The following LIN28B variants were observed in gnomAD, a reference collection of about 807,000 sequenced individuals.
LIN28B encodes the protein protein lin-28 homolog B.
LIN28B carries 5 observed loss-of-function variants against 21.9 expected under a neutral mutation model. The ratio of observed to expected loss-of-function variants is 0.23; its 90% CI spans 0.12 to 0.48. The LOEUF is 0.48. Ranked by LOEUF, LIN28B falls within the 20% of genes least tolerant of loss-of-function variation. LIN28B has a pLI of 0.98. For synonymous variants in LIN28B, 109 were observed against 111.3 expected (o/e 0.98, Z 0.13); for missense variants, 245 against 310.5 (o/e 0.79, Z 1.58).
At chr6:105,012,764 A>G (rs1770950212) in intron 2 of LIN28B, among the ~76,000 whole-genome samples, 1 of 152,060 alleles carries the variant, frequency 6.6e-6, no homozygotes, top group African/African-American at 2.4e-5. Context: ...TTATGGATAA[A>G]CCCCTAATAT....
At chr6:104,984,542 C>T (rs79727058) in intron 2 of LIN28B, among the ~76,000 whole-genome samples, 1,581 of 151,884 alleles carry the variant, frequency 0.01, 17 homozygotes, top group Non-Finnish European at 0.016. Context: ...ACTCCTGGGC[C>T]CAAGCGATCC....
chr6:104,975,702 G>T (rs896153567), intron 2 of LIN28B, among the ~76,000 whole-genome samples: 5 of 151,840 alleles, frequency 3.3e-5, no homozygotes, highest in Admixed American at 2.6e-4. Flanking sequence ...AGGCTGGAGT[G>T]CAGTGGTGTG....
chr6:105,013,569 C>G (rs9500011), intron 2 of LIN28B, among the ~76,000 whole-genome samples: 1 of 151,580 alleles, frequency 6.6e-6, no homozygotes, highest in African/African-American at 2.4e-5. Context: ...AAAACCCTGT[C>G]TCTACAAAAA....
At chr6:105,050,833 G>C (rs1771887204) in intron 3 of LIN28B, among the ~76,000 whole-genome samples, 1 of 151,154 alleles carries the variant, frequency 6.6e-6, no homozygotes, top group Non-Finnish European at 1.5e-5. Context: ...AAATCTCTGA[G>C]AAATGTTGAT....
chr6:104,977,188 T>A (rs920892344), intron 2 of LIN28B, among the ~76,000 whole-genome samples: 2 of 152,140 alleles, frequency 1.3e-5, no homozygotes, highest in Non-Finnish European at 2.9e-5. Context: ...TCTTCTCATA[T>A]TTCCTATTTA....
At chr6:104,971,464 A>G (rs1217095756) in intron 2 of LIN28B, among the ~76,000 whole-genome samples, 1 of 152,112 alleles carries the variant, frequency 6.6e-6, no homozygotes, top group Non-Finnish European at 1.5e-5. Flanking sequence ...TGCTTTTAGG[A>G]TGAATAATGA....
upstream of LIN28B, among the ~76,000 whole-genome samples, chr6:104,956,150 C>T (rs1215743929): frequency 1.3e-5 from 2 of 152,022 alleles, no homozygotes; most frequent in South Asian, 2.1e-4. Context: ...CCTGCCCGCG[C>T]CGGCTTTTTT....
At chr6:104,995,367 T>C (rs996534977) in intron 2 of LIN28B, among the ~76,000 whole-genome samples, 5 of 152,156 alleles carry the variant, frequency 3.3e-5, no homozygotes, top group Non-Finnish European at 5.9e-5. Context: ...CTTGAGTTGA[T>C]TGAGTGGATC....
At chr6:104,975,219 C>T (rs1321377815) in intron 2 of LIN28B, among the ~76,000 whole-genome samples, 5 of 151,876 alleles carry the variant, frequency 3.3e-5, no homozygotes, top group East Asian at 1.9e-4. Context: ...ATCATTCTGT[C>T]GAAAGATAGA....
intron 2 of LIN28B, among the ~76,000 whole-genome samples, chr6:105,007,854 G>A (rs886173813): frequency 1.3e-5 from 2 of 152,100 alleles, no homozygotes; most frequent in Admixed American, 6.5e-5. Context: ...GTGTTGCCCA[G>A]GCTGGTCTCT....
intron 2 of LIN28B, among the ~76,000 whole-genome samples, chr6:104,971,863 A>G (rs1412865228): frequency 6.6e-6 from 1 of 152,148 alleles, no homozygotes; most frequent in African/African-American, 2.4e-5. Flanking sequence ...CTCATTTGTC[A>G]TTTTGATTAG....
chr6:105,032,230 C>T (rs578043402), intron 3 of LIN28B, among the ~76,000 whole-genome samples: 2 of 152,138 alleles, frequency 1.3e-5, no homozygotes, highest in East Asian at 3.9e-4. Context: ...CAGCCATAAA[C>T]ATTTATGCAC....
At chr6:104,944,615 A>G (rs771290785) in intron 2 of LIN28B, among the ~76,000 whole-genome samples, 1 of 152,130 alleles carries the variant, frequency 6.6e-6, no homozygotes, top group Admixed American at 6.5e-5. Context: ...AACAGGACAA[A>G]CAGCAGGCTT....
chr6:105,009,197 A>T (rs1004523438), intron 2 of LIN28B, among the ~76,000 whole-genome samples: 1 of 152,230 alleles, frequency 6.6e-6, no homozygotes, highest in South Asian at 2.1e-4. Context: ...CACCAAAAAA[A>T]ATATATGAAC....
At chr6:105,008,419 C>T (rs545931006) in intron 2 of LIN28B, among the ~76,000 whole-genome samples, 5 of 152,034 alleles carry the variant, frequency 3.3e-5, no homozygotes, top group East Asian at 3.9e-4. Context: ...CCGAGGCGGG[C>T]GGATCACGAG....
chr6:105,052,121 C>T (rs956971385), intron 3 of LIN28B, among the ~76,000 whole-genome samples: 8 of 151,998 alleles, frequency 5.3e-5, no homozygotes, highest in African/African-American at 1.2e-4. Flanking sequence ...GCAAAGATTC[C>T]GAGGCATTAA....
At chr6:104,980,257 G>T (rs1770191994) in intron 2 of LIN28B, among the ~76,000 whole-genome samples, 1 of 152,158 alleles carries the variant, frequency 6.6e-6, no homozygotes, top group Non-Finnish European at 1.5e-5. Context: ...ATCTATATGT[G>T]TAACCATGGT....
chr6:105,045,246 T>C (rs1047905969), intron 3 of LIN28B, among the ~76,000 whole-genome samples: 1 of 151,446 alleles, frequency 6.6e-6, no homozygotes, highest in Non-Finnish European at 1.5e-5. Flanking sequence ...ACTATTATTA[T>C]TTAATATGGA....
chr6:105,020,481 T>G (rs1771116451), intron 2 of LIN28B, among the ~76,000 whole-genome samples: 1 of 151,860 alleles, frequency 6.6e-6, no homozygotes, highest in Non-Finnish European at 1.5e-5. Flanking sequence ...CATGCCCAGC[T>G]AATTTTTTGT....
Sources: allele counts gnomAD v4.1 joint callset (sites outside exome capture counted in the v4.1 genomes callset), GRCh38; gene constraint gnomAD v4.1.1; transcripts MANE v1.5; gene names NCBI Gene and HGNC (gene_info 2026-07-23, HGNC 2026-07-21).